Variants in CNKSR2 observed in about 807,000 individuals in gnomAD.
The protein encoded by CNKSR2 is CNK homolog protein 2.
Under a neutral mutation model 84.4 loss-of-function variants are expected in CNKSR2, and 14 were observed. The ratio of observed to expected loss-of-function variants is 0.17; its 90% CI spans 0.11 to 0.26. The LOEUF is 0.26. Among genes scored for constraint, CNKSR2 ranks in the 10% least tolerant of loss-of-function variants. The pLI, the probability that CNKSR2 is intolerant of heterozygous loss-of-function variation, is 1.00. For missense variants in CNKSR2, 485 were observed against 771.2 expected, an observed-to-expected ratio of 0.63 and a Z score of 4.40; for synonymous variants, 275 against 277.9, an observed-to-expected ratio of 0.99 and a Z score of 0.10.
At chrX:21,591,470 A>G in intron 15 of CNKSR2, 1 of 171,057 alleles carries the variant, frequency 5.8e-6, no homozygotes, top group Non-Finnish European at 1.1e-5. Flanking sequence ...TAATCCAAGC[A>G]GTAGCTTAAC....
At chrX:21,420,173 C>G (rs2090476144) in intron 1 of CNKSR2, among the ~76,000 whole-genome samples, 1 of 112,763 alleles carries the variant, frequency 8.9e-6, no homozygotes, top group Non-Finnish European at 1.9e-5. Flanking sequence ...CCCATGGCCA[C>G]TGTCACCACA....
At chrX:21,543,052 G>C (rs887679903) in intron 11 of CNKSR2, among the ~76,000 whole-genome samples, 3 of 112,539 alleles carry the variant, frequency 2.7e-5, no homozygotes, top group East Asian at 2.8e-4. Context: ...AACGGCTTGA[G>C]TGACATATAG....
intron 8 of CNKSR2, chrX:21,503,915 A>G (rs1175922970): frequency 9.0e-6 from 1 of 111,500 alleles, no homozygotes; most frequent in Admixed American, 9.6e-5. Context: ...ACCTGCTACA[A>G]CAGTTGGACC....
At chrX:21,516,966 T>C (rs2091733449) in intron 9 of CNKSR2, among the ~76,000 whole-genome samples, 1 of 112,153 alleles carries the variant, frequency 8.9e-6, no homozygotes, top group African/African-American at 3.2e-5. Context: ...TTTTATGTTA[T>C]ACCCACATAC....
At chrX:21,627,816 A>C (rs2092630982) in intron 20 of CNKSR2, among the ~76,000 whole-genome samples, 1 of 111,165 alleles carries the variant, frequency 9.0e-6, no homozygotes, top group South Asian at 3.8e-4. Flanking sequence ...TTGGGTGGGG[A>C]CACAAAACAT....
chrX:21,579,225 A>G, intron 13 of CNKSR2, among the ~76,000 whole-genome samples: 1 of 112,002 alleles, frequency 8.9e-6, no homozygotes, highest in Non-Finnish European at 1.9e-5. Context: ...CTAGAACCAT[A>G]TAGACAAAAG....
At chrX:21,562,995 T>C (rs1222754385) in intron 12 of CNKSR2, among the ~76,000 whole-genome samples, 1 of 111,751 alleles carries the variant, frequency 8.9e-6, no homozygotes, top group Non-Finnish European at 1.9e-5. Context: ...TTTTTTATTG[T>C]CTTATCATAC....
chrX:21,457,742 G>A (rs144621931), intron 4 of CNKSR2, among the ~76,000 whole-genome samples: 9 of 111,722 alleles, frequency 8.1e-5, no homozygotes, highest in Non-Finnish European at 1.1e-4. Flanking sequence ...TCAGGGCCTT[G>A]TTCACTTGGA....
chrX:21,406,757 A>T (rs959591078), intron 1 of CNKSR2, among the ~76,000 whole-genome samples: 1 of 111,320 alleles, frequency 9.0e-6, no homozygotes, highest in African/African-American at 3.3e-5. Context: ...AGTCAATATC[A>T]TGTCTCTTTA....
At chrX:21,629,477 A>G (rs1381234899) in intron 20 of CNKSR2, among the ~76,000 whole-genome samples, 1 of 112,353 alleles carries the variant, frequency 8.9e-6, no homozygotes, top group Non-Finnish European at 1.9e-5. Context: ...CTTTAATTGG[A>G]CTTACAGTTC....
intron 8 of CNKSR2, among the ~76,000 whole-genome samples, chrX:21,511,131 T>C (rs1569213779): frequency 9.0e-6 from 1 of 111,474 alleles, no homozygotes; most frequent in Non-Finnish European, 1.9e-5. Flanking sequence ...CCAGGACAAA[T>C]AGGATCTATA....
intron 1 of CNKSR2, among the ~76,000 whole-genome samples, chrX:21,413,460 TA>T (rs2090373180): frequency 1.8e-5 from 2 of 111,084 alleles, no homozygotes; most frequent in African/African-American, 6.5e-5. Flanking sequence ...ACAATATAAC[TA>T]TATTATTTTA....
intron 5 of CNKSR2, among the ~76,000 whole-genome samples, chrX:21,472,882 T>C (rs952300107): frequency 6.3e-5 from 7 of 111,178 alleles, no homozygotes; most frequent in African/African-American, 2.3e-4. Context: ...ATAATCTCTT[T>C]GGGGTTATAA....
intron 3 of CNKSR2, among the ~76,000 whole-genome samples, chrX:21,433,845 C>T (rs1263684729): frequency 9.1e-6 from 1 of 110,308 alleles, no homozygotes; most frequent in East Asian, 2.8e-4. Context: ...AGTGATGATA[C>T]TAAATCCAAA....
chrX:21,386,248 G>A (rs1360729903), intron 1 of CNKSR2, among the ~76,000 whole-genome samples: 2 of 110,968 alleles, frequency 1.8e-5, no homozygotes, highest in Non-Finnish European at 3.8e-5. Context: ...GACATTTTTT[G>A]GTGCGTTCCT....
chrX:21,452,215 C>G (rs1045491563), intron 4 of CNKSR2, among the ~76,000 whole-genome samples: 4 of 111,605 alleles, frequency 3.6e-5, no homozygotes, highest in Non-Finnish European at 1.9e-5. Context: ...CTCAGCCTCC[C>G]AAGTAGCTGG....
chrX:21,581,300 A>T (rs762036782), intron 13 of CNKSR2, among the ~76,000 whole-genome samples: 3 of 111,930 alleles, frequency 2.7e-5, no homozygotes, highest in Non-Finnish European at 1.9e-5. Context: ...TTCGCAGTTG[A>T]GGAAATTGAG....
intron 20 of CNKSR2, chrX:21,641,509 T>C (rs759760517): frequency 8.5e-7 from 1 of 1,172,444 alleles, no homozygotes; most frequent in Non-Finnish European, 1.1e-6. Flanking sequence ...TTCATCATAT[T>C]GTATCACTGC....
At chrX:21,568,941 C>G (rs898981325) in intron 13 of CNKSR2, among the ~76,000 whole-genome samples, 2 of 111,506 alleles carry the variant, frequency 1.8e-5, no homozygotes, top group African/African-American at 6.5e-5. Flanking sequence ...GTGTAAAGCC[C>G]AGTCTAAGTG....
Sources: allele counts gnomAD v4.1 joint callset (sites outside exome capture counted in the v4.1 genomes callset), GRCh38; gene constraint gnomAD v4.1.1; transcripts MANE v1.5; gene names NCBI Gene and HGNC (gene_info 2026-07-23, HGNC 2026-07-21).